The following GRIK4 variants were observed in gnomAD, a reference collection of about 807,000 sequenced individuals.
GRIK4 encodes the protein glutamate ionotropic receptor kainate type subunit 4, also known as glutamate receptor ionotropic, kainate 4.
GRIK4 carries 40 observed loss-of-function variants against 104.9 expected under a neutral mutation model. The observed-to-expected ratio is 0.38, with a 90% CI of 0.30 to 0.50. The LOEUF (loss-of-function observed/expected upper bound fraction) is 0.50. GRIK4 is among the 20% of genes least tolerant of loss of function. The pLI is 0.93. For missense variants in GRIK4, 1,047 were observed against 1,308.1 expected (o/e 0.80, Z 3.08); for synonymous variants, 485 against 524.9 (o/e 0.92, Z 1.04).
In GRIK4 at chr11:120,660,406, T is replaced by C. The variant is rs1219720505; in HGVS notation, c.82+6T>C. On this transcript the variant is annotated splice_donor_region_variant and intron_variant, in intron 3 of 20. Coordinates refer to ENST00000527524, the MANE Select transcript of GRIK4 (RefSeq NM_014619.5). ...CCCGCACTCCTTGAGGATCGGTAAG[T>C]GTGGCCCAGCTTGGGGCAGTGCCCC... The C allele has an allele frequency of 6.2e-7, 1 of 1,609,080 alleles. No homozygotes were observed.
At chr11:120,661,155 G>A (rs1009117573) in intron 3 of GRIK4, among the ~76,000 whole-genome samples, 5 of 152,200 alleles carry the variant, frequency 3.3e-5, no homozygotes, top group African/African-American at 1.2e-4. Flanking sequence ...GGCAGGCGCA[G>A]TGTGGTCATC....
At chr11:120,586,691 G>A (rs576991326) in intron 1 of GRIK4, among the ~76,000 whole-genome samples, 70 of 152,220 alleles carry the variant, frequency 4.6e-4, no homozygotes, top group African/African-American at 1.6e-3. Flanking sequence ...TCTTCCTGTT[G>A]TAGTCTCCCT....
At chr11:120,560,646 C>T (rs1948229876) in intron 1 of GRIK4, among the ~76,000 whole-genome samples, 1 of 152,194 alleles carries the variant, frequency 6.6e-6, no homozygotes, top group African/African-American at 2.4e-5. Context: ...TTCAGCTCCT[C>T]CATTCATTAG....
chr11:120,563,638 T>G (rs1304537510), intron 1 of GRIK4, among the ~76,000 whole-genome samples: 1 of 152,164 alleles, frequency 6.6e-6, no homozygotes, highest in Non-Finnish European at 1.5e-5. Flanking sequence ...ACGGTCCAGC[T>G]GGTCTCCCCG....
intron 1 of GRIK4, among the ~76,000 whole-genome samples, chr11:120,627,210 A>G (rs1949271810): frequency 6.6e-6 from 1 of 152,238 alleles, no homozygotes; most frequent in Non-Finnish European, 1.5e-5. Flanking sequence ...GATAAACATT[A>G]TGGAGCCCAA....
rs1396769834 is a variant in GRIK4, at chr11:120,940,468, A to G, written c.1590+8A>G. 3 of 1,470,852 alleles carry G rather than the reference A, an allele frequency of 2.0e-6. No homozygotes were observed. Among genetic ancestry groups the G allele is most frequent in the African/African-American group, 2.8e-5 (2 of 71,922 alleles). 91.1% of individuals were successfully genotyped at this position (1,470,852 alleles called of 1,614,324 possible). A position where few individuals can be genotyped will look rare whatever the true frequency, so the allele number is the denominator to read the frequency against. ...CTTTACCGCGTTCATATGGTAAGAG[A>G]CTTATTTTATAAGCATTTATGTCAT... is the stretch of plus-strand genomic sequence containing the variant. On this transcript the variant is annotated splice_region_variant and intron_variant, in intron 14 of 20. Transcript: ENST00000527524. The surrounding 1 kb of genome is among the most constrained non-coding windows in gnomAD (Gnocchi z 4.3).
chr11:120,631,342 G>C (rs1465311535), intron 1 of GRIK4, among the ~76,000 whole-genome samples: 1 of 152,220 alleles, frequency 6.6e-6, no homozygotes, highest in Non-Finnish European at 1.5e-5. Flanking sequence ...GGTGGGACCT[G>C]AGTTTCGGCG....
intron 1 of GRIK4, among the ~76,000 whole-genome samples, chr11:120,542,423 G>C (rs2266134): frequency 0.29 from 44,608 of 151,798 alleles, 6,724 homozygotes; most frequent in Admixed American, 0.41. Flanking sequence ...GATGCCAAAA[G>C]CATATGCACC....
At chr11:120,717,429 A>T (rs990376419) in intron 3 of GRIK4, among the ~76,000 whole-genome samples, 1 of 152,126 alleles carries the variant, frequency 6.6e-6, no homozygotes, top group African/African-American at 2.4e-5. Context: ...GAGCATGCCC[A>T]GGATCTGGCA....
At chr11:120,551,594 A>G (rs1466234429) in intron 1 of GRIK4, among the ~76,000 whole-genome samples, 1 of 152,128 alleles carries the variant, frequency 6.6e-6, no homozygotes, top group African/African-American at 2.4e-5. Context: ...TAGCCTGGCC[A>G]ATGTGGCGAA....
At chr11:120,711,378 C>A in intron 3 of GRIK4, among the ~76,000 whole-genome samples, 1 of 152,172 alleles carries the variant, frequency 6.6e-6, no homozygotes, top group East Asian at 1.9e-4. Flanking sequence ...TCAGAGACCT[C>A]CTGGTGCCCA....
At chr11:120,876,087 C>A (rs1054274603) in intron 11 of GRIK4, among the ~76,000 whole-genome samples, 1 of 151,734 alleles carries the variant, frequency 6.6e-6, no homozygotes, top group Non-Finnish European at 1.5e-5. Flanking sequence ...GCACAATCAC[C>A]TTTTCCAGGA....
Position 120,956,344 on chromosome 11 carries a change from G to A in GRIK4, c.1701-436G>A, listed in dbSNP as rs1471879008. ...ATCCTCTTGAGTAGCTAGGATTACAGGCACACACCACCATACCTGGCTAAT... is the reference window on the plus strand; with the variant it reads ...ATCCTCTTGAGTAGCTAGGATTACAAGCACACACCACCATACCTGGCTAAT... On this transcript the variant is annotated intron_variant, in intron 15 of 20. Coordinates refer to ENST00000527524, the MANE Select transcript of GRIK4 (RefSeq NM_014619.5). This position sits in a 1 kb window ranked among gnomAD's most constrained non-coding sequence, Gnocchi z 4.6. Among the ~76,000 whole-genome samples the A allele has an allele frequency of 6.6e-6, 1 of 151,960 alleles. No individual in the cohort carries two copies. The highest frequency in any genetic ancestry group is 1.5e-5 in the Non-Finnish European group (1 of 68,010).
intron 1 of GRIK4, among the ~76,000 whole-genome samples, chr11:120,592,464 C>T (rs1055980156): frequency 1.3e-5 from 2 of 152,332 alleles, no homozygotes; most frequent in African/African-American, 4.8e-5. Context: ...AGTTGATTCT[C>T]TCCTCTGCTC....
rs1352681488 is a variant in GRIK4, at chr11:120,541,717, AG to A, written c.-159+29832del. ...CATGTTGCTTAGGCTGGTCTTGAAC[AG>A]GCTTAAGCAATCTGCCTGCCTTGAT... On this transcript the variant is annotated intron_variant, in intron 1 of 20. Transcript: ENST00000527524. Among the ~76,000 whole-genome samples the A allele has an allele frequency of 7.2e-5, 11 of 152,218 alleles. No individual in the cohort carries two copies. In the East Asian group the frequency reaches 2.1e-3, roughly 29 times the overall value.
At chr11:120,773,916 CA>C (rs2135460924) in intron 3 of GRIK4, among the ~76,000 whole-genome samples, 1 of 152,306 alleles carries the variant, frequency 6.6e-6, no homozygotes, top group East Asian at 1.9e-4. Flanking sequence ...AGAAGCAAAA[CA>C]AAACCCTCAA....
intron 3 of GRIK4, among the ~76,000 whole-genome samples, chr11:120,672,792 C>T (rs1376370822): frequency 6.6e-6 from 1 of 152,202 alleles, no homozygotes; most frequent in Non-Finnish European, 1.5e-5. Context: ...TAAGACTTTG[C>T]TGAAGTTGCT....
chr11:120,522,321 TTTTC>T (rs1179874937), intron 1 of GRIK4, among the ~76,000 whole-genome samples: 2 of 152,158 alleles, frequency 1.3e-5, no homozygotes, highest in African/African-American at 2.4e-5. Context: ...TGGGTCTTTT[TTTTC>T]TTTCTTTCTT....
intron 3 of GRIK4, among the ~76,000 whole-genome samples, chr11:120,800,962 C>T (rs923324783): frequency 4.2e-5 from 6 of 143,662 alleles, no homozygotes; most frequent in South Asian, 2.1e-4. Context: ...TTGCATACCA[C>T]GTAATTCACT....
Sources: gnomAD v4.1 joint callset for allele counts (sites outside exome capture counted in the v4.1 genomes callset) on GRCh38, gnomAD v4.1.1 for gene constraint, Gnocchi (gnomAD v3.1) non-coding constraint, MANE v1.5 for transcripts, NCBI Gene and HGNC (gene_info 2026-07-23, HGNC 2026-07-21) for gene names.